The following LANCL2 variants were observed in gnomAD, a reference collection of about 807,000 sequenced individuals.
LANCL2 encodes lanC-like protein 2.
A neutral mutation model predicts 56.9 loss-of-function variants in LANCL2; 33 were observed. The ratio of observed to expected loss-of-function variants is 0.58; its 90% CI spans 0.44 to 0.78. The LOEUF (loss-of-function observed/expected upper bound fraction) is 0.78. Among genes scored for constraint, LANCL2 ranks in the 30% least tolerant of loss-of-function variants. The pLI is 0.00. For synonymous variants in LANCL2, 233 were observed against 228.2 expected (o/e 1.02, Z -0.19); for missense variants, 562 against 580.2 (o/e 0.97, Z 0.32).
intron 1 of LANCL2, among the ~76,000 whole-genome samples, chr7:55,377,647 G>A (rs958818197): frequency 5.9e-5 from 9 of 152,160 alleles, no homozygotes; most frequent in Admixed American, 2.0e-4. Context: ...CTCACAAGGG[G>A]TTTTACAACC....
At chr7:55,372,238 G>C (rs1238218093) in intron 1 of LANCL2, among the ~76,000 whole-genome samples, 1 of 152,204 alleles carries the variant, frequency 6.6e-6, no homozygotes, top group Non-Finnish European at 1.5e-5. Flanking sequence ...TTATGGAGAG[G>C]GAACTAAGAA....
chr7:55,403,172 C>G (rs1408749884), intron 5 of LANCL2, among the ~76,000 whole-genome samples: 2 of 152,266 alleles, frequency 1.3e-5, no homozygotes, highest in Non-Finnish European at 2.9e-5. Context: ...TGAGTGAACG[C>G]GACTCCGTCT....
chr7:55,366,254 GGCGCCGGAGGGGGAGC>G, intron 1 of LANCL2, 25 bp downstream of exon 1: 2 of 1,452,596 alleles, frequency 1.4e-6, no homozygotes, highest in African/African-American at 2.9e-5. Flanking sequence ...TGGCCGCAGA[GGCGCCGGAGGGGGAGC>G]GCGGCGGTGG....
chr7:55,429,089 C>A (rs1790699353), intron 8 of LANCL2, among the ~76,000 whole-genome samples: 1 of 152,208 alleles, frequency 6.6e-6, no homozygotes, highest in African/African-American at 2.4e-5. Flanking sequence ...AAGGTTTTTG[C>A]ATCTCTATTC....
Position 55,433,653 on chromosome 7 carries a change from C to G in LANCL2, c.*2333C>G, listed in dbSNP as rs1165015898. ...TACATGCATAATGTCATTTTAAAAT[C>G]TGAAGGAAAGAATTTGAAGTCCACA... is the stretch of plus-strand genomic sequence containing the variant. On this transcript the variant is annotated 3_prime_UTR_variant, in exon 9 of 9. Coordinates refer to ENST00000254770, the MANE Select transcript of LANCL2 (RefSeq NM_018697.4). The G allele has an allele frequency of 6.6e-6, 1 of 152,198 alleles. No homozygotes were observed. The highest frequency in any genetic ancestry group is 1.5e-5 in the Non-Finnish European group (1 of 68,040). The allele number at this position is 152,198 out of a possible 1,614,324, so 9.4% of individuals were successfully genotyped here.
rs142152518 is a variant in LANCL2 at position 55,399,974 on chromosome 7, G to T, written c.548G>T (p.Arg183Ile). The T allele has an allele frequency of 1.2e-5, 20 of 1,612,746 alleles. No individual in the cohort carries two copies. The Admixed American group carries it at 2.3e-4, about 19-fold the overall frequency. The change falls in exon 4 of 9, where the codon AGA becomes ATA. Residue 183 changes from arginine (R) to isoleucine (I), a missense_variant. Physicochemically the swap from Arg to Ile is moderately conservative, Grantham distance 97. Coordinates refer to ENST00000254770, the MANE Select transcript of LANCL2 (RefSeq NM_018697.4). ...TTGGTTAGACTTTTGCAGCTCCAGAGATCGGTTGTCTGCCAAGAATCAGAC... is the reference window on the plus strand; with the variant it reads ...TTGGTTAGACTTTTGCAGCTCCAGATATCGGTTGTCTGCCAAGAATCAGAC... ...ECVTKLLQLQRSVVCQESDLP... is the reference protein window; with the variant it reads ...ECVTKLLQLQISVVCQESDLP...
intron 5 of LANCL2, among the ~76,000 whole-genome samples, chr7:55,406,232 G>A (rs114887082): frequency 0.012 from 1,794 of 152,258 alleles, 38 homozygotes; most frequent in African/African-American, 0.04. Flanking sequence ...TGGCACAAGC[G>A]GGATCCAAGG....
chr7:55,399,167 G>T (rs1287433815), intron 3 of LANCL2, among the ~76,000 whole-genome samples: 1 of 151,978 alleles, frequency 6.6e-6, no homozygotes, highest in Non-Finnish European at 1.5e-5. Context: ...CATTAACTTG[G>T]GAGGCTGAGG....
intron 1 of LANCL2, among the ~76,000 whole-genome samples, chr7:55,384,704 G>T (rs1790105902): frequency 6.6e-6 from 1 of 152,134 alleles, no homozygotes; most frequent in South Asian, 2.1e-4. Context: ...TATATATAGG[G>T]AATTTTACTG....
In LANCL2 at chr7:55,431,538, T is replaced by C. The variant is rs1183609153; in HGVS notation, c.*218T>C. ...GACTTCTTCACATACAGATTCTCTG[T>C]AGTGTTTGCATGTTTCTTGGTGTTT... On this transcript the variant is annotated 3_prime_UTR_variant, in exon 9 of 9. Transcript: ENST00000254770. 7 of 496,288 alleles carry C rather than the reference T, an allele frequency of 1.4e-5. No individual in the cohort carries two copies. The highest frequency in any genetic ancestry group is 2.5e-5 in the Non-Finnish European group (7 of 281,638). The allele number at this position is 496,288 out of a possible 1,614,324, so 30.7% of individuals were successfully genotyped here.
intron 6 of LANCL2, among the ~76,000 whole-genome samples, chr7:55,422,949 A>AC (rs1488127235): frequency 6.6e-6 from 1 of 152,192 alleles, no homozygotes; most frequent in Non-Finnish European, 1.5e-5. Context: ...GTGCGGTGGA[A>AC]CAGGGACTCT....
intron 6 of LANCL2, 111 bp from the exon 7 acceptor site, chr7:55,425,143 C>A: frequency 2.0e-6 from 2 of 1,021,704 alleles, no homozygotes; most frequent in Non-Finnish European, 2.9e-6. Context: ...CCCCCAGTGC[C>A]ATTTCAGTTT....
intron 1 of LANCL2, among the ~76,000 whole-genome samples, chr7:55,374,713 C>T (rs934137916): frequency 6.6e-6 from 1 of 152,202 alleles, no homozygotes; most frequent in African/African-American, 2.4e-5. Flanking sequence ...AGTGAATTAG[C>T]CTAGGAGAGC....
At chr7:55,428,329 A>G (rs1790688319) in intron 7 of LANCL2, 46 bp from the exon 8 acceptor site, 2 of 1,532,100 alleles carry the variant, frequency 1.3e-6, no homozygotes, top group Non-Finnish European at 1.8e-6. Context: ...TTGCCTTTTC[A>G]CCAGGTAGAA....
intron 6 of LANCL2, among the ~76,000 whole-genome samples, chr7:55,420,452 G>A (rs1246984959): frequency 1.3e-5 from 2 of 152,190 alleles, no homozygotes. Context: ...AATTTACTTA[G>A]ATGTATTTTA....
chr7:55,407,215 T>C (rs188221240), intron 5 of LANCL2, among the ~76,000 whole-genome samples: 98 of 152,200 alleles, frequency 6.4e-4, no homozygotes, highest in Admixed American at 2.0e-3. Flanking sequence ...AAGCCAGATG[T>C]AGAAGAGAGT....
At chr7:55,372,996 T>C (rs1304135380) in intron 1 of LANCL2, among the ~76,000 whole-genome samples, 2 of 152,206 alleles carry the variant, frequency 1.3e-5, no homozygotes, top group South Asian at 2.1e-4. Flanking sequence ...CTTGGAAATA[T>C]GGAGGTTGGG....
chr7:55,427,618 A>G (rs1445803935), intron 7 of LANCL2, among the ~76,000 whole-genome samples: 1 of 152,234 alleles, frequency 6.6e-6, no homozygotes, highest in Non-Finnish European at 1.5e-5. Flanking sequence ...AAAACTGGGT[A>G]GATGGGCCAT....
intron 1 of LANCL2, among the ~76,000 whole-genome samples, chr7:55,374,224 A>G (rs1004172654): frequency 1.3e-5 from 2 of 152,212 alleles, no homozygotes; most frequent in South Asian, 2.1e-4. Context: ...TGGTTATGCC[A>G]TATATCCCCT....
Sources: allele counts gnomAD v4.1 joint callset (sites outside exome capture counted in the v4.1 genomes callset), GRCh38; gene constraint gnomAD v4.1.1; transcripts MANE v1.5; gene names NCBI Gene and HGNC (gene_info 2026-07-23, HGNC 2026-07-21).